ZNF407: variants seen among roughly 807,000 people sequenced by gnomAD.
The protein encoded by ZNF407 is zinc finger protein 407.
ZNF407 carries 17 observed loss-of-function variants against 131.2 expected under a neutral mutation model. The ratio of observed to expected loss-of-function variants is 0.13; its 90% CI spans 0.09 to 0.19. The LOEUF is 0.19. Ranked by LOEUF, ZNF407 falls within the 10% of genes least tolerant of loss-of-function variation. The pLI is 1.00. For synonymous variants in ZNF407, 1,156 were observed against 1,062.0 expected, an observed-to-expected ratio of 1.09 and a Z score of -1.72; for missense variants, 2,681 against 2,830.6, an observed-to-expected ratio of 0.95 and a Z score of 1.20.
intron 1 of ZNF407, among the ~76,000 whole-genome samples, chr18:74,612,435 C>G (rs187587348): frequency 1.3e-3 from 197 of 152,188 alleles, no homozygotes; most frequent in African/African-American, 4.6e-3. Context: ...ATCTCAAAAA[C>G]AAACATGATT....
At chr18:74,814,155 A>T (rs1011871061) in intron 4 of ZNF407, among the ~76,000 whole-genome samples, 4 of 152,142 alleles carry the variant, frequency 2.6e-5, no homozygotes, top group Non-Finnish European at 5.9e-5. Context: ...TGTTTTTAAG[A>T]TACAGGGTCT....
intron 8 of ZNF407, among the ~76,000 whole-genome samples, chr18:75,029,952 G>A (rs1301912594): frequency 1.3e-5 from 2 of 152,228 alleles, no homozygotes; most frequent in Non-Finnish European, 2.9e-5. Context: ...CCAATCATGA[G>A]CATTACATTA....
intron 4 of ZNF407, among the ~76,000 whole-genome samples, chr18:74,786,116 G>C (rs1211082480): frequency 6.6e-6 from 1 of 152,146 alleles, no homozygotes; most frequent in East Asian, 1.9e-4. Flanking sequence ...ACTGACCTCC[G>C]ACGTCACAGT....
At chr18:74,623,100 G>GTGTATCTGAGTGCGTGTCAGTGTGAC (rs1206485536) in intron 1 of ZNF407, among the ~76,000 whole-genome samples, 1 of 151,880 alleles carries the variant, frequency 6.6e-6, no homozygotes, top group African/African-American at 2.4e-5. Flanking sequence ...GTGAGTGCGT[G>GTGTATCTGAGTGCGTGTCAGTGTGAC]TGTATCTGAG....
At chr18:74,870,201 C>A (rs1417313236) in intron 4 of ZNF407, among the ~76,000 whole-genome samples, 8 of 152,144 alleles carry the variant, frequency 5.3e-5, no homozygotes, top group Non-Finnish European at 1.2e-4. Context: ...ATTGAAAGGG[C>A]TAGAAAAATA....
At chr18:74,997,177 A>G (rs1302008978) in intron 8 of ZNF407, among the ~76,000 whole-genome samples, 1 of 152,262 alleles carries the variant, frequency 6.6e-6, no homozygotes, top group Non-Finnish European at 1.5e-5. Context: ...GAATGCAGCT[A>G]GCAGTGGGAG....
chr18:74,705,913 G>A (rs1239134632), intron 3 of ZNF407, among the ~76,000 whole-genome samples: 1 of 152,162 alleles, frequency 6.6e-6, no homozygotes, highest in Non-Finnish European at 1.5e-5. Context: ...TACTCTATTT[G>A]CACTGAATTG....
In ZNF407 at chr18:74,789,960, A is replaced by C. The variant is rs548482334; in HGVS notation, c.4877+8458A>C. On this transcript the variant is annotated intron_variant, in intron 4 of 8. Coordinates refer to ENST00000299687, the MANE Select transcript of ZNF407 (RefSeq NM_017757.3). ...CCAGTCTAAATCATGTCTTTATTTCAAGTCCCAGTCTGATGCCCTGGCCAC... is the reference window on the plus strand; with the variant it reads ...CCAGTCTAAATCATGTCTTTATTTCCAGTCCCAGTCTGATGCCCTGGCCAC... Among the ~76,000 whole-genome samples the C allele has an allele frequency of 2.0e-5, 3 of 151,266 alleles. No individual in the cohort carries two copies. The South Asian group carries it at 6.3e-4, about 32-fold the overall frequency.
At chr18:75,050,490 G>C (rs1231847046) in intron 8 of ZNF407, among the ~76,000 whole-genome samples, 1 of 152,166 alleles carries the variant, frequency 6.6e-6, no homozygotes, top group Non-Finnish European at 1.5e-5. Flanking sequence ...AACAGCTGTA[G>C]CCAAAGGGTC....
intron 3 of ZNF407, among the ~76,000 whole-genome samples, chr18:74,697,966 A>G (rs917234352): frequency 6.6e-6 from 1 of 152,202 alleles, no homozygotes; most frequent in Non-Finnish European, 1.5e-5. Context: ...TCGAGAATAC[A>G]AACAGCACAG....
intron 7 of ZNF407, among the ~76,000 whole-genome samples, chr18:74,893,527 A>G (rs996446654): frequency 7.2e-5 from 11 of 152,178 alleles, no homozygotes; most frequent in Admixed American, 2.0e-4. Context: ...CGAATGAAAT[A>G]TGGTTCGAAC....
chr18:74,622,239 T>A (rs1386279258), intron 1 of ZNF407, among the ~76,000 whole-genome samples: 3 of 152,202 alleles, frequency 2.0e-5, no homozygotes, highest in Admixed American at 2.0e-4. Flanking sequence ...CTAAGCTGCC[T>A]TTATGCATGG....
intron 3 of ZNF407, among the ~76,000 whole-genome samples, chr18:74,779,107 ATAT>A (rs1416110668): frequency 4.2e-5 from 1 of 23,556 alleles, no homozygotes; most frequent in African/African-American, 1.1e-4. Flanking sequence ...ATATATATAT[ATAT>A]TTTTTTTTTT....
chr18:74,836,728 A>T (rs958036230), intron 4 of ZNF407, among the ~76,000 whole-genome samples: 4 of 152,172 alleles, frequency 2.6e-5, no homozygotes, highest in African/African-American at 9.7e-5. Context: ...ACTTCATCAG[A>T]GGCTTTGTGG....
At chr18:74,950,676 C>T (rs1439373401) in intron 8 of ZNF407, among the ~76,000 whole-genome samples, 5 of 152,208 alleles carry the variant, frequency 3.3e-5, no homozygotes, top group African/African-American at 7.2e-5. Flanking sequence ...TAAATGAAAG[C>T]TTCTGTAGGG....
intron 4 of ZNF407, among the ~76,000 whole-genome samples, chr18:74,797,892 G>A (rs1026935986): frequency 6.6e-5 from 10 of 151,708 alleles, no homozygotes; most frequent in Non-Finnish European, 1.5e-4. Flanking sequence ...ATATTAATGG[G>A]AAAACAATTA....
At chr18:74,954,405 A>G (rs982196744) in intron 8 of ZNF407, among the ~76,000 whole-genome samples, 13 of 152,192 alleles carry the variant, frequency 8.5e-5, no homozygotes, top group African/African-American at 3.1e-4. Flanking sequence ...CAATACAGAT[A>G]TTATATTAAG....
At chr18:74,914,028 C>T (rs757678480) in intron 7 of ZNF407, among the ~76,000 whole-genome samples, 51 of 152,154 alleles carry the variant, frequency 3.4e-4, no homozygotes, top group Admixed American at 7.9e-4. Context: ...CAAAGCTGCT[C>T]AAGACTTTCA....
At chr18:74,968,708 A>AT (rs1179667896) in intron 8 of ZNF407, among the ~76,000 whole-genome samples, 1 of 151,880 alleles carries the variant, frequency 6.6e-6, no homozygotes, top group Non-Finnish European at 1.5e-5. Flanking sequence ...TGATTTCAAG[A>AT]TTTTTTTCTT....
Sources: gnomAD v4.1 joint callset for allele counts (sites outside exome capture counted in the v4.1 genomes callset) on GRCh38, gnomAD v4.1.1 for gene constraint, MANE v1.5 for transcripts, NCBI Gene and HGNC (gene_info 2026-07-23, HGNC 2026-07-21) for gene names.